BRAF: variants seen among roughly 807,000 people sequenced by gnomAD.
The protein encoded by BRAF is serine/threonine-protein kinase B-raf.
A neutral mutation model predicts 104.6 loss-of-function variants in BRAF; 16 were observed. The observed-to-expected ratio is 0.15, with a 90% CI of 0.10 to 0.23. BRAF has a LOEUF of 0.23. BRAF is among the 10% of genes least tolerant of loss of function. The pLI, the probability that BRAF is intolerant of heterozygous loss-of-function variation, is 1.00. For synonymous variants in BRAF, 310 were observed against 341.6 expected (o/e 0.91, Z 1.02); for missense variants, 541 against 937.3 (o/e 0.58, Z 5.52).
At chr7:140,770,424 C>T (rs539533554) in intron 14 of BRAF, among the ~76,000 whole-genome samples, 7 of 149,498 alleles carry the variant, frequency 4.7e-5, no homozygotes, top group Admixed American at 1.4e-4. Flanking sequence ...GTAAATATAT[C>T]GATAGGCTGT....
At position 140,913,426 on chromosome 7, in the gene BRAF, C is replaced by CAATGTAGT. The variant is rs1817223282; in HGVS notation, c.138+11132_138+11139dup. On this transcript the variant is annotated intron_variant, in intron 1 of 19. Coordinates refer to ENST00000644969, the MANE Select transcript of BRAF (RefSeq NM_001374258.1). ...AGAAATGACTCAATACAAAAGTCAC[C>CAATGTAGT]AATGTAGTTTTGGATGAATGACAAA... 4.2e-5 allele frequency among the ~76,000 whole-genome samples: 6 copies of CAATGTAGT among 141,802 alleles called. No individual in the cohort carries two copies. The South Asian group carries it at 1.4e-3, about 33-fold the overall frequency. The allele number at this position is 141,802 out of a possible 152,430, so 93.0% of individuals were successfully genotyped here.
chr7:140,798,262 C>CTTT (rs1025673669), intron 7 of BRAF, among the ~76,000 whole-genome samples: 1 of 32,622 alleles, frequency 3.1e-5, no homozygotes, highest in Non-Finnish European at 5.4e-5. Context: ...TGTATGGGGA[C>CTTT]TTTTTTTTTC....
chr7:140,905,074 T>C (rs1478035197), intron 1 of BRAF, among the ~76,000 whole-genome samples: 1 of 152,216 alleles, frequency 6.6e-6, no homozygotes. Context: ...TCAGTCAATT[T>C]TCCCCCCAAA....
intron 1 of BRAF, among the ~76,000 whole-genome samples, chr7:140,866,747 G>GT (rs1002918861): frequency 1.3e-5 from 2 of 151,962 alleles, no homozygotes; most frequent in African/African-American, 4.8e-5. Context: ...ATGACCTAGT[G>GT]TAAGTAATGA....
At chr7:140,775,581 C>T (rs1357958155) in intron 14 of BRAF, among the ~76,000 whole-genome samples, 2 of 149,528 alleles carry the variant, frequency 1.3e-5, no homozygotes, top group African/African-American at 2.5e-5. Flanking sequence ...TCAGGTGATC[C>T]GCCTGCCTCG....
At chr7:140,914,978 G>GGC (rs1554428797) in intron 1 of BRAF, among the ~76,000 whole-genome samples, 5 of 44,170 alleles carry the variant, frequency 1.1e-4, no homozygotes, top group African/African-American at 3.9e-4. Context: ...GGGGGGGGGG[G>GGC]GCGGAGGTTG....
chr7:140,733,633 C>A (rs375115403), intron 19 of BRAF: 3 of 152,258 alleles, frequency 2.0e-5, no homozygotes, highest in African/African-American at 7.2e-5. Context: ...ATAAGGAGGA[C>A]AGAACATGAG....
At chr7:140,856,143 A>G (rs1229015465) in intron 1 of BRAF, among the ~76,000 whole-genome samples, 1 of 149,828 alleles carries the variant, frequency 6.7e-6, no homozygotes, top group Non-Finnish European at 1.5e-5. Context: ...TAAAAGCAAG[A>G]ATAATCATTA....
intron 3 of BRAF, among the ~76,000 whole-genome samples, chr7:140,818,844 T>C (rs1805168572): frequency 6.6e-6 from 1 of 152,214 alleles, no homozygotes; most frequent in Non-Finnish European, 1.5e-5. Context: ...TACCTTATTT[T>C]GAAGATAGCT....
In BRAF at chr7:140,897,643, C is replaced by T. The variant is rs1398830653; in HGVS notation, c.138+26923G>A. Among the ~76,000 whole-genome samples, 50 of 151,472 alleles carry T rather than the reference C, an allele frequency of 3.3e-4. 1 individual carries two copies. Among genetic ancestry groups the T allele is most frequent in the Admixed American group, 3.2e-3 (49 of 15,202 alleles). On this transcript the variant is annotated intron_variant, in intron 1 of 19. Coordinates refer to ENST00000644969, the MANE Select transcript of BRAF (RefSeq NM_001374258.1). The stretch of plus-strand genomic sequence containing the variant: ...TCGAGTATCTGGGACTACAGGCACA[C>T]ACCACCACGTCCAGCTAATTTTTGT...
At chr7:140,836,442 A>G (rs1807347813) in intron 2 of BRAF, among the ~76,000 whole-genome samples, 1 of 152,150 alleles carries the variant, frequency 6.6e-6, no homozygotes, top group Non-Finnish European at 1.5e-5. Context: ...TAAGGGCCAC[A>G]GGACCCTGCT....
rs182002186 is a variant in BRAF, at chr7:140,862,747, T to C, written c.139-12535A>G. ...GGTGGGAACAGAGAATGACTGCTAATAAATCCAGGGGTTTCATTTTTGAGT... is the reference window on the plus strand; with the variant it reads ...GGTGGGAACAGAGAATGACTGCTAACAAATCCAGGGGTTTCATTTTTGAGT... On this transcript the variant is annotated intron_variant, in intron 1 of 19. Coordinates refer to ENST00000644969, the MANE Select transcript of BRAF (RefSeq NM_001374258.1). 1.7e-3 allele frequency among the ~76,000 whole-genome samples: 257 copies of C among 152,288 alleles called. 2 individuals carry two copies. The highest frequency in any genetic ancestry group is 4.9e-3 in the African/African-American group (203 of 41,564).
intron 3 of BRAF, among the ~76,000 whole-genome samples, chr7:140,815,873 C>T (rs1290988349): frequency 6.6e-6 from 1 of 152,178 alleles, no homozygotes; most frequent in Admixed American, 6.5e-5. Context: ...AAGCGTGCCT[C>T]CTGGTCAGGT....
intron 3 of BRAF, among the ~76,000 whole-genome samples, chr7:140,816,096 T>G (rs1202516721): frequency 6.6e-6 from 1 of 152,224 alleles, no homozygotes; most frequent in East Asian, 1.9e-4. Context: ...ATGTCTTGGA[T>G]TCCATAGCTG....
rs58690200 is a variant in BRAF at position 140,821,294 on chromosome 7, ATTTTTTTTTT to A, written c.505-12309_505-12300del. On this transcript the variant is annotated intron_variant, in intron 3 of 19. Transcript: ENST00000644969. ...CCACTACACCCAGCGTCTGAATTACATTTTTTTTTTTTTTTTTTTTTTTGAGACAGAGTCT... is the reference window on the plus strand; with the variant it reads ...CCACTACACCCAGCGTCTGAATTACATTTTTTTTTTTTTGAGACAGAGTCT... Among the ~76,000 whole-genome samples, 3 of 73,930 alleles carry A rather than the reference ATTTTTTTTTT, an allele frequency of 4.1e-5. No individual in the cohort carries two copies. In the East Asian group the frequency reaches 1.3e-3, roughly 32 times the overall value. 48.5% of individuals were successfully genotyped at this position (73,930 alleles called of 152,430 possible). A position where few individuals can be genotyped will look rare whatever the true frequency, so the allele number is the denominator to read the frequency against.
At chr7:140,910,829 C>T (rs190096558) in intron 1 of BRAF, among the ~76,000 whole-genome samples, 18 of 152,222 alleles carry the variant, frequency 1.2e-4, no homozygotes, top group Non-Finnish European at 1.8e-4. Context: ...GATGCCACCA[C>T]ACTCAGCTAA....
At chr7:140,789,061 T>G (rs995304741) in intron 8 of BRAF, among the ~76,000 whole-genome samples, 1 of 151,440 alleles carries the variant, frequency 6.6e-6, no homozygotes, top group Non-Finnish European at 1.5e-5. Context: ...ATACAAAAAT[T>G]AGACAGGCAT....
At chr7:140,805,379 C>T (rs910644692) in intron 5 of BRAF, among the ~76,000 whole-genome samples, 2 of 151,920 alleles carry the variant, frequency 1.3e-5, no homozygotes, top group African/African-American at 4.8e-5. Context: ...TTTTATGTGG[C>T]CATTATTCAC....
At chr7:140,923,684 G>T (rs149838239) in intron 1 of BRAF, among the ~76,000 whole-genome samples, 1 of 152,220 alleles carries the variant, frequency 6.6e-6, no homozygotes, top group African/African-American at 2.4e-5. Flanking sequence ...TCTGGGCTCA[G>T]AAAACAAGTA....
Sources: allele counts gnomAD v4.1 joint callset (sites outside exome capture counted in the v4.1 genomes callset), GRCh38; gene constraint gnomAD v4.1.1; transcripts MANE v1.5; gene names NCBI Gene and HGNC (gene_info 2026-07-23, HGNC 2026-07-21).